Variants in SLC44A1 observed in about 807,000 individuals in gnomAD.
SLC44A1 encodes solute carrier family 44 member 1.
In SLC44A1, 26 loss-of-function variants were observed where a neutral mutation model predicts 79.3. The ratio of observed to expected loss-of-function variants is 0.33; its 90% CI spans 0.24 to 0.46. The LOEUF is 0.46. SLC44A1 is among the 20% of genes least tolerant of loss of function. The probability of loss-of-function intolerance (pLI) is 1.00; values close to 1 mark genes in which losing one functional copy is unlikely to be tolerated. For missense variants in SLC44A1, 688 were observed against 798.1 expected, an observed-to-expected ratio of 0.86 and a Z score of 1.66; for synonymous variants, 263 against 286.2, an observed-to-expected ratio of 0.92 and a Z score of 0.82.
chr9:105,343,672 A>T (rs1347392596), intron 4 of SLC44A1, among the ~76,000 whole-genome samples: 1 of 152,226 alleles, frequency 6.6e-6, no homozygotes, highest in Non-Finnish European at 1.5e-5. Flanking sequence ...AAGAAGGAAG[A>T]TCCTTACATT....
chr9:105,400,781 T>TA (rs562557053), downstream of SLC44A1, among the ~76,000 whole-genome samples: 15 of 152,380 alleles, frequency 9.8e-5, no homozygotes, highest in South Asian at 3.1e-3. Flanking sequence ...ATTTCTCACC[T>TA]ACACATAACT....
chr9:105,277,802 G>A (rs551620112), intron 1 of SLC44A1, among the ~76,000 whole-genome samples: 1 of 152,158 alleles, frequency 6.6e-6, no homozygotes, highest in African/African-American at 2.4e-5. Flanking sequence ...TGGCAGTTCT[G>A]TTGTTGACAC....
At chr9:105,340,510 T>TA (rs1369650985) in intron 4 of SLC44A1, among the ~76,000 whole-genome samples, 3 of 152,210 alleles carry the variant, frequency 2.0e-5, no homozygotes, top group African/African-American at 7.2e-5. Flanking sequence ...ACTGTACACT[T>TA]ACAAATGATT....
At chr9:105,364,764 A>C (rs764333862) in intron 10 of SLC44A1, 44 bp downstream of exon 10, 1 of 1,528,040 alleles carries the variant, frequency 6.5e-7, no homozygotes, top group Non-Finnish European at 9.0e-7. Flanking sequence ...CATCTAAGGG[A>C]TGGTGTCCGC....
chr9:105,255,181 A>G (rs180687361), intron 1 of SLC44A1, among the ~76,000 whole-genome samples: 2 of 151,534 alleles, frequency 1.3e-5, no homozygotes, highest in East Asian at 3.9e-4. Context: ...TTCTCACAGT[A>G]TATAAAATGC....
intron 5 of SLC44A1, chr9:105,355,942 T>A: frequency 2.3e-6 from 1 of 442,188 alleles, no homozygotes; most frequent in Non-Finnish European, 4.0e-6. Flanking sequence ...TGTGTGTGTG[T>A]GTGTGTGCGT....
Position 105,389,093 on chromosome 9 carries a change from A to G in SLC44A1, c.*37A>G. 17 of 1,612,336 alleles carry G rather than the reference A, an allele frequency of 1.1e-5. No homozygotes were observed. Among genetic ancestry groups the G allele is most frequent in the Non-Finnish European group, 1.4e-5 (16 of 1,178,728 alleles). On this transcript the variant is annotated 3_prime_UTR_variant, in exon 16 of 16. Transcript: ENST00000374720. ...GGTTATGGAAACCCATTGACATTCC[A>G]AAACAATATATACACATAACTATGT...
intron 1 of SLC44A1, among the ~76,000 whole-genome samples, chr9:105,265,331 A>G (rs1168305648): frequency 6.6e-6 from 1 of 152,106 alleles, no homozygotes; most frequent in Non-Finnish European, 1.5e-5. Context: ...CTTGGCAACC[A>G]CTGATCTATT....
chr9:105,369,184 C>T (rs962618513), intron 12 of SLC44A1, among the ~76,000 whole-genome samples: 5 of 152,180 alleles, frequency 3.3e-5, no homozygotes, highest in South Asian at 2.1e-4. Context: ...TCTGTTCAGG[C>T]TTCTATAACA....
rs1830927765 is a variant in SLC44A1 at position 105,303,198 on chromosome 9, T to C, written c.126+3889T>C. Among the ~76,000 whole-genome samples, 3 of 151,926 alleles carry C rather than the reference T, an allele frequency of 2.0e-5. No individual in the cohort carries two copies. The South Asian group carries it at 6.2e-4, about 32-fold the overall frequency. On this transcript the variant is annotated intron_variant, in intron 2 of 15. Transcript: ENST00000374720. ...AATAAAGCACCACTTTATTAGTAGATACCTGATTATGCCCAATAAGGTACT... is the reference window on the plus strand; with the variant it reads ...AATAAAGCACCACTTTATTAGTAGACACCTGATTATGCCCAATAAGGTACT...
chr9:105,414,130 T>C (rs1027547135), intron 15 of SLC44A1, among the ~76,000 whole-genome samples: 1 of 151,774 alleles, frequency 6.6e-6, no homozygotes, highest in Non-Finnish European at 1.5e-5. Context: ...TGGCACGATC[T>C]TGGCTCACTG....
At chr9:105,363,221 G>A (rs1237874975) in intron 9 of SLC44A1, among the ~76,000 whole-genome samples, 1 of 151,880 alleles carries the variant, frequency 6.6e-6, no homozygotes, top group Non-Finnish European at 1.5e-5. Flanking sequence ...GGAGTGAAGT[G>A]GTGCTCTCTT....
intron 1 of SLC44A1, among the ~76,000 whole-genome samples, chr9:105,285,126 T>G (rs916992405): frequency 1.3e-5 from 2 of 152,254 alleles, no homozygotes; most frequent in Non-Finnish European, 2.9e-5. Context: ...TTCTATGGCA[T>G]GGATGTACCA....
chr9:105,266,810 A>G (rs1829973599), intron 1 of SLC44A1, among the ~76,000 whole-genome samples: 1 of 152,130 alleles, frequency 6.6e-6, no homozygotes, highest in Admixed American at 6.5e-5. Context: ...TCCCCTATAC[A>G]TTTTAGAATC....
In SLC44A1 at chr9:105,381,432, C is replaced by G. The variant is rs995411005; in HGVS notation, c.1633-1691C>G. Reference sequence around the variant, plus strand: ...GGTGTGGTGACGAGCACCTGTAGTCCCAGCTACTTGGGAGGCTGAGGCGAA... The same window carrying G: ...GGTGTGGTGACGAGCACCTGTAGTCGCAGCTACTTGGGAGGCTGAGGCGAA... On this transcript the variant is annotated intron_variant, in intron 13 of 15. Coordinates refer to ENST00000374720, the MANE Select transcript of SLC44A1 (RefSeq NM_080546.5). Among the ~76,000 whole-genome samples the G allele has an allele frequency of 2.5e-4, 38 of 151,716 alleles. 1 individual carries two copies. The highest frequency in any genetic ancestry group is 8.9e-4 in the African/African-American group (37 of 41,368).
In SLC44A1 at chr9:105,395,083, TATAGTC is replaced by T; in HGVS notation, c.*6029_*6034del. ...AATTTGATCCCAGTGGCTCATGACT[TATAGTC>T]AGGCATCAAACCATTTCCTACTTTT... is the stretch of plus-strand genomic sequence containing the variant. On this transcript the variant is annotated 3_prime_UTR_variant, in exon 16 of 16. Transcript: ENST00000374720. 3.0e-6 allele frequency: 3 copies of T among 985,442 alleles called. No homozygotes were observed. Among genetic ancestry groups the T allele is most frequent in the Non-Finnish European group, 3.6e-6 (3 of 829,946 alleles). The allele number at this position is 985,442 out of a possible 1,614,324, so 61.0% of individuals were successfully genotyped here. A position where few individuals can be genotyped will look rare whatever the true frequency, so the allele number is the denominator to read the frequency against.
chr9:105,331,240 A>T (rs1373833915), intron 3 of SLC44A1, among the ~76,000 whole-genome samples: 2 of 152,224 alleles, frequency 1.3e-5, no homozygotes, highest in African/African-American at 4.8e-5. Flanking sequence ...TGGAGATGGC[A>T]TAGGGAAGGG....
chr9:105,376,892 A>T (rs971010639), intron 13 of SLC44A1, among the ~76,000 whole-genome samples: 1 of 152,234 alleles, frequency 6.6e-6, no homozygotes, highest in Non-Finnish European at 1.5e-5. Context: ...TTAGAGAAAA[A>T]TTAAATTGGC....
At chr9:105,305,093 C>T (rs1830991292) in intron 2 of SLC44A1, among the ~76,000 whole-genome samples, 1 of 150,322 alleles carries the variant, frequency 6.7e-6, no homozygotes, top group Non-Finnish European at 1.5e-5. Context: ...GCTTCAGCCT[C>T]CTGAGTAGCT....
Sources: allele counts gnomAD v4.1 joint callset (sites outside exome capture counted in the v4.1 genomes callset), GRCh38; gene constraint gnomAD v4.1.1; transcripts MANE v1.5; gene names NCBI Gene and HGNC (gene_info 2026-07-23, HGNC 2026-07-21).